GSTO2: variants seen among roughly 807,000 people sequenced by gnomAD.
GSTO2 encodes the protein glutathione S-transferase omega 2.
In GSTO2, 23 loss-of-function variants were observed where a neutral mutation model predicts 28.4. The observed-to-expected ratio is 0.81, with a 90% CI of 0.58 to 1.15. GSTO2 has a LOEUF of 1.15. GSTO2 is among the 50% of genes most tolerant of loss of function. The pLI is 0.00. For missense variants in GSTO2, 298 were observed against 297.8 expected (o/e 1.00, Z 0.00); for synonymous variants, 109 against 111.0 (o/e 0.98, Z 0.11).
At chr10:104,275,116 G>A (rs1482289090) in intron 2 of GSTO2, 110 bp from the exon 3 acceptor site, 2 of 1,516,104 alleles carry the variant, frequency 1.3e-6, no homozygotes, top group African/African-American at 2.8e-5. Flanking sequence ...TGGGACTTGG[G>A]AGTTGGAGCT....
intron 1 of GSTO2, among the ~76,000 whole-genome samples, chr10:104,270,030 T>C (rs1194893887): frequency 6.6e-6 from 1 of 152,140 alleles, no homozygotes; most frequent in Non-Finnish European, 1.5e-5. Flanking sequence ...TTTTTTTTTT[T>C]TGAGACGGAG....
At chr10:104,275,172 C>T in intron 2 of GSTO2, 54 bp from the exon 3 acceptor site, 3 of 1,556,198 alleles carry the variant, frequency 1.9e-6, no homozygotes, top group Non-Finnish European at 2.6e-6. Flanking sequence ...GCTCCTTCCT[C>T]ACCGGGCTGA....
chr10:104,278,000 T>C lies in GSTO2; in HGVS notation c.250T>C (p.Tyr84His). The C allele has an allele frequency of 6.2e-7, 1 of 1,613,616 alleles. No individual in the cohort carries two copies. The highest frequency in any genetic ancestry group is 1.1e-5 in the South Asian group (1 of 91,078). Reference protein sequence around the residue: ...VLETSQCQLIYESVIACEYLD... With the variant: ...VLETSQCQLIHESVIACEYLD... ...GGAGACCAGCCAATGTCAACTGATC[T>C]ATGAATCTGTTATTGCTTGTGAGTA... Residue 84 changes from tyrosine to histidine, a missense_variant, in exon 4 of 7, where the codon TAT (tyrosine) becomes CAT (histidine). Coordinates refer to ENST00000338595, the MANE Select transcript of GSTO2 (RefSeq NM_183239.2).
intron 5 of GSTO2, among the ~76,000 whole-genome samples, chr10:104,289,882 A>C (rs1197667034): frequency 2.0e-5 from 3 of 152,208 alleles, no homozygotes; most frequent in East Asian, 1.9e-4. Context: ...CTACAATGAG[A>C]TATCATCTCA....
chr10:104,294,485 T>A (rs75902301), intron 5 of GSTO2, among the ~76,000 whole-genome samples: 5,008 of 152,294 alleles, frequency 0.033, 301 homozygotes, highest in African/African-American at 0.11. Context: ...GTGAGCACTT[T>A]GTGCTAGTTT....
intron 5 of GSTO2, among the ~76,000 whole-genome samples, chr10:104,283,482 T>C (rs2012208012): frequency 6.6e-6 from 1 of 152,134 alleles, no homozygotes; most frequent in African/African-American, 2.4e-5. Flanking sequence ...AAACATGAAC[T>C]GGTCATGGCA....
intron 5 of GSTO2, among the ~76,000 whole-genome samples, chr10:104,294,608 G>A (rs2135140951): frequency 6.6e-6 from 1 of 152,328 alleles, no homozygotes; most frequent in Admixed American, 6.5e-5. Context: ...GGAAATGCAA[G>A]TAGTTTTGAT....
At chr10:104,275,443 C>A in intron 3 of GSTO2, 109 bp downstream of exon 3, 1 of 949,402 alleles carries the variant, frequency 1.1e-6, no homozygotes, top group Non-Finnish European at 1.6e-6. Context: ...GGCTCCCTGT[C>A]CCTTTTTTCG....
intron 5 of GSTO2, among the ~76,000 whole-genome samples, chr10:104,281,818 G>C (rs1012942849): frequency 5.9e-5 from 9 of 152,178 alleles, no homozygotes; most frequent in Non-Finnish European, 1.3e-4. Context: ...ACCTGGGTGT[G>C]TTGAGTGCTA....
At chr10:104,277,787 A>G (rs1182341271) in intron 3 of GSTO2, 107 bp from the exon 4 acceptor site, 1 of 694,558 alleles carries the variant, frequency 1.4e-6, no homozygotes, top group Non-Finnish European at 2.5e-6. Context: ...TAAAACACTA[A>G]TTGCAAATTT....
chr10:104,283,521 G>A (rs1377251974), intron 5 of GSTO2, among the ~76,000 whole-genome samples: 1 of 152,176 alleles, frequency 6.6e-6, no homozygotes, highest in Admixed American at 6.5e-5. Context: ...ACCTTCTCTG[G>A]AGGCTGAGGC....
At chr10:104,292,299 C>T (rs577930400) in intron 5 of GSTO2, among the ~76,000 whole-genome samples, 1 of 151,102 alleles carries the variant, frequency 6.6e-6, no homozygotes, top group South Asian at 2.1e-4. Flanking sequence ...CAGCCTCGAA[C>T]TCCTGGGCAC....
intron 5 of GSTO2, among the ~76,000 whole-genome samples, chr10:104,280,753 T>C (rs1333267740): frequency 6.6e-6 from 1 of 152,252 alleles, no homozygotes; most frequent in Non-Finnish European, 1.5e-5. Context: ...GTGGTTCCTC[T>C]ATTGGCAGCC....
At chr10:104,272,229 A>G (rs1160424395) in intron 1 of GSTO2, among the ~76,000 whole-genome samples, 1 of 152,172 alleles carries the variant, frequency 6.6e-6, no homozygotes, top group Non-Finnish European at 1.5e-5. Context: ...TTTTTTTTAA[A>G]AAAAGGCTAT....
intron 5 of GSTO2, among the ~76,000 whole-genome samples, chr10:104,285,649 G>A (rs567572001): frequency 1.3e-5 from 2 of 151,968 alleles, no homozygotes; most frequent in East Asian, 3.9e-4. Context: ...TTAATTTTTT[G>A]TGGAGACGAG....
At chr10:104,284,002 T>C (rs932833733) in intron 5 of GSTO2, among the ~76,000 whole-genome samples, 1 of 151,950 alleles carries the variant, frequency 6.6e-6, no homozygotes, top group South Asian at 2.1e-4. Flanking sequence ...AATAACTGCC[T>C]TGTCTAACTT....
rs140910092 is a variant in GSTO2 at position 104,275,274 on chromosome 10, G to T, written c.83G>T (p.Ser28Ile). The stretch of plus-strand genomic sequence containing the variant: ...CCGGAGGGGCTGATCCGCATCTACA[G>T]CATGAGGTTCTGCCCCTATTCTCAC... ...PVPEGLIRIY[S>I]MRFCPYSHRT... is the part of the protein sequence containing the mutation. The change falls in exon 3 of 7, where the codon AGC (serine) becomes ATC (isoleucine). Residue 28 changes from serine to isoleucine, a missense_variant. Coordinates refer to ENST00000338595, the MANE Select transcript of GSTO2 (RefSeq NM_183239.2). 3.0e-5 allele frequency: 48 copies of T among 1,613,962 alleles called. No individual in the cohort carries two copies. In the Middle Eastern group the frequency reaches 4.9e-4, roughly 17 times the overall value.
chr10:104,270,498 G>GT (rs137908291), intron 1 of GSTO2, among the ~76,000 whole-genome samples: 18 of 150,214 alleles, frequency 1.2e-4, no homozygotes, highest in South Asian at 2.1e-4. Flanking sequence ...TATTTAAAAA[G>GT]TTTTTTTTTT....
At chr10:104,279,682 A>T (rs1056518395) in intron 5 of GSTO2, among the ~76,000 whole-genome samples, 1 of 152,166 alleles carries the variant, frequency 6.6e-6, no homozygotes, top group Admixed American at 6.5e-5. Context: ...AGGACATGCC[A>T]TGAATTGCTT....
Sources: gnomAD v4.1 joint callset for allele counts (sites outside exome capture counted in the v4.1 genomes callset) on GRCh38, gnomAD v4.1.1 for gene constraint, MANE v1.5 for transcripts, NCBI Gene and HGNC (gene_info 2026-07-23, HGNC 2026-07-21) for gene names.